The following PTPRG variants were observed in gnomAD, a reference collection of about 807,000 sequenced individuals.
PTPRG encodes protein tyrosine phosphatase receptor type G, also known as receptor-type tyrosine-protein phosphatase gamma.
In PTPRG, 102 loss-of-function variants were observed where a neutral mutation model predicts 165.3. That is an observed-to-expected ratio of 0.62 (90% CI 0.53 to 0.73). PTPRG has a LOEUF of 0.73. PTPRG is among the 30% of genes least tolerant of loss of function. PTPRG has a pLI of 0.00. For synonymous variants in PTPRG, 675 were observed against 669.5 expected, an observed-to-expected ratio of 1.01 and a Z score of -0.13; for missense variants, 1,866 against 1,861.4, an observed-to-expected ratio of 1.00 and a Z score of -0.05.
chr3:61,839,307 A>G (rs753009386), intron 2 of PTPRG, among the ~76,000 whole-genome samples: 12 of 152,222 alleles, frequency 7.9e-5, no homozygotes, highest in Admixed American at 1.3e-4. Context: ...TGGCCTCTGT[A>G]GAATGAATCT....
At chr3:62,088,348 A>G (rs76922328) in intron 5 of PTPRG, among the ~76,000 whole-genome samples, 5,587 of 152,280 alleles carry the variant, frequency 0.037, 107 homozygotes, top group East Asian at 0.08. Context: ...ATATCAGAAT[A>G]TCTTCATCTC....
chr3:61,646,182 T>C (rs1315741022), intron 1 of PTPRG, among the ~76,000 whole-genome samples: 3 of 152,180 alleles, frequency 2.0e-5, no homozygotes, highest in African/African-American at 7.2e-5. Flanking sequence ...CTTGGCTCAC[T>C]GCCACCTCCA....
intron 8 of PTPRG, among the ~76,000 whole-genome samples, chr3:62,172,795 C>T (rs1466776926): frequency 6.6e-6 from 1 of 152,218 alleles, no homozygotes; most frequent in Non-Finnish European, 1.5e-5. Flanking sequence ...TCAAAACGAG[C>T]AAAGCCTGCC....
chr3:62,004,049 G>A (rs1387436617), intron 4 of PTPRG, among the ~76,000 whole-genome samples: 2 of 152,268 alleles, frequency 1.3e-5, no homozygotes, highest in East Asian at 3.9e-4. Context: ...CTGCTGGACA[G>A]AAGAAGGGTG....
chr3:61,741,881 T>G (rs1188773142), intron 1 of PTPRG, among the ~76,000 whole-genome samples: 1 of 152,154 alleles, frequency 6.6e-6, no homozygotes, highest in Non-Finnish European at 1.5e-5. Context: ...TCAAAAACAG[T>G]AAGACATTCA....
In PTPRG at chr3:61,781,255, A is replaced by G. The variant is rs150903868; in HGVS notation, c.190+32273A>G. Reference sequence around the variant, plus strand: ...TTAGGAGTAGAAGAGCCAATGAAATAGAATTTGCCGAGTGTTTCACATAAA... The same window carrying G: ...TTAGGAGTAGAAGAGCCAATGAAATGGAATTTGCCGAGTGTTTCACATAAA... On this transcript the variant is annotated intron_variant, in intron 2 of 29. Coordinates refer to ENST00000474889, the MANE Select transcript of PTPRG (RefSeq NM_002841.4). Among the ~76,000 whole-genome samples, 67 of 152,352 alleles carry G rather than the reference A, an allele frequency of 4.4e-4. No homozygotes were observed. In the East Asian group the frequency reaches 0.012, roughly 28 times the overall value.
At chr3:61,772,646 C>T (rs924900493) in intron 2 of PTPRG, among the ~76,000 whole-genome samples, 6 of 152,062 alleles carry the variant, frequency 3.9e-5, no homozygotes, top group African/African-American at 1.4e-4. Context: ...CCATCTGAGT[C>T]AATACATAAA....
intron 2 of PTPRG, among the ~76,000 whole-genome samples, chr3:61,847,311 C>T (rs186780424): frequency 1.3e-5 from 2 of 152,240 alleles, no homozygotes; most frequent in East Asian, 1.9e-4. Flanking sequence ...CAAGGAACCC[C>T]CCGAAGATTG....
At chr3:61,906,091 C>T (rs2038642679) in intron 2 of PTPRG, among the ~76,000 whole-genome samples, 1 of 151,748 alleles carries the variant, frequency 6.6e-6, no homozygotes, top group South Asian at 2.1e-4. Context: ...TGGAATGCTT[C>T]CTTTTTTTGC....
intron 10 of PTPRG, among the ~76,000 whole-genome samples, chr3:62,199,304 A>G (rs1161723822): frequency 6.6e-6 from 1 of 152,138 alleles, no homozygotes; most frequent in East Asian, 1.9e-4. Context: ...TGACTTTCCA[A>G]CTGTGCAAAA....
chr3:61,878,008 A>G (rs2037790816), intron 2 of PTPRG, among the ~76,000 whole-genome samples: 2 of 152,312 alleles, frequency 1.3e-5, no homozygotes, highest in South Asian at 4.1e-4. Flanking sequence ...ATTAAGTGAG[A>G]GAAGTACTTC....
At chr3:62,092,292 T>C (rs899456078) in intron 5 of PTPRG, among the ~76,000 whole-genome samples, 8 of 151,276 alleles carry the variant, frequency 5.3e-5, no homozygotes, top group Admixed American at 1.3e-4. Flanking sequence ...ATACAAAATT[T>C]AGCTGGCCGT....
intron 8 of PTPRG, among the ~76,000 whole-genome samples, chr3:62,182,089 G>T (rs1705674319): frequency 6.6e-6 from 1 of 152,168 alleles, no homozygotes; most frequent in South Asian, 2.1e-4. Context: ...ATAAGGAAGA[G>T]AAAATGTATT....
At chr3:61,776,042 C>T (rs1273610033) in intron 2 of PTPRG, among the ~76,000 whole-genome samples, 2 of 150,902 alleles carry the variant, frequency 1.3e-5, no homozygotes, top group Non-Finnish European at 2.9e-5. Flanking sequence ...CAAACCTGCT[C>T]GTTGTGCACA....
At position 62,273,109 on chromosome 3, in the gene PTPRG, G is replaced by T; in HGVS notation, c.3318+28G>T. 6.3e-7 allele frequency: 1 copy of T among 1,582,178 alleles called. No individual in the cohort carries two copies. Among genetic ancestry groups the T allele is most frequent in the South Asian group, 1.2e-5 (1 of 85,346 alleles). ...AAGGAGTAGCTGCCAGCGTCCTCAC[G>T]ACATTCTGGCAAATGCTGTAACTGA... On this transcript the variant is annotated intron_variant, in intron 22 of 29. Transcript: ENST00000474889. The surrounding 1 kb of genome is among the most constrained non-coding windows in gnomAD (Gnocchi z 4.1).
chr3:61,663,319 C>T (rs781334343), intron 1 of PTPRG, among the ~76,000 whole-genome samples: 1 of 152,070 alleles, frequency 6.6e-6, no homozygotes, highest in Admixed American at 6.6e-5. Context: ...TGTCACAGAA[C>T]GTGGAAGGTT....
At chr3:62,024,365 A>G (rs2041762098) in intron 4 of PTPRG, among the ~76,000 whole-genome samples, 1 of 151,748 alleles carries the variant, frequency 6.6e-6, no homozygotes, top group Non-Finnish European at 1.5e-5. Context: ...TATTTTGGCA[A>G]TAGTGATAAT....
chr3:62,170,819 C>A (rs1261696152), intron 8 of PTPRG, among the ~76,000 whole-genome samples: 1 of 152,136 alleles, frequency 6.6e-6, no homozygotes, highest in Non-Finnish European at 1.5e-5. Context: ...CATAAAAGTG[C>A]AGTACCCGTA....
intron 8 of PTPRG, among the ~76,000 whole-genome samples, chr3:62,183,609 G>C (rs1705749099): frequency 6.6e-6 from 1 of 151,916 alleles, no homozygotes; most frequent in Non-Finnish European, 1.5e-5. Context: ...GAAGGCCTTG[G>C]TGGGTGGGCA....
Sources: allele counts gnomAD v4.1 joint callset (sites outside exome capture counted in the v4.1 genomes callset), GRCh38; gene constraint gnomAD v4.1.1; non-coding constraint Gnocchi (gnomAD v3.1); transcripts MANE v1.5; gene names NCBI Gene and HGNC (gene_info 2026-07-23, HGNC 2026-07-21).